Variants in MRPL3 observed in about 807,000 individuals in gnomAD.
MRPL3 encodes the protein large ribosomal subunit protein uL3m.
MRPL3 carries 43 observed loss-of-function variants against 44.3 expected under a neutral mutation model. The observed-to-expected ratio is 0.97, with a 90% confidence interval of 0.76 to 1.25. The LOEUF is 1.25. MRPL3 is among the 50% of genes most tolerant of loss of function. MRPL3 has a pLI of 0.00. For synonymous variants in MRPL3, 171 were observed against 152.3 expected (o/e 1.12, Z -0.91); for missense variants, 406 against 427.6 (o/e 0.95, Z 0.45).
At chr3:131,489,194 A>C (rs1289964299) in intron 5 of MRPL3, among the ~76,000 whole-genome samples, 1 of 152,122 alleles carries the variant, frequency 6.6e-6, no homozygotes, top group Non-Finnish European at 1.5e-5. Flanking sequence ...AACTATTCTA[A>C]TATACAATGG....
intron 4 of MRPL3, among the ~76,000 whole-genome samples, chr3:131,497,558 G>A (rs1353824443): frequency 6.6e-6 from 1 of 152,106 alleles, no homozygotes; most frequent in African/African-American, 2.4e-5. Context: ...ACCATTTTGA[G>A]AAAGGTTTTC....
intron 6 of MRPL3, among the ~76,000 whole-genome samples, chr3:131,477,681 C>T (rs1933886040): frequency 6.6e-6 from 1 of 152,116 alleles, no homozygotes; most frequent in Non-Finnish European, 1.5e-5. Context: ...TCCAGATACC[C>T]TATCATTTCA....
chr3:131,486,521 T>C (rs1934129070), intron 6 of MRPL3, among the ~76,000 whole-genome samples: 1 of 151,684 alleles, frequency 6.6e-6, no homozygotes, highest in South Asian at 2.1e-4. Context: ...TATGTATACA[T>C]GTGCCATGCT....
chr3:131,467,960 T>C, intron 9 of MRPL3, 131 bp downstream of exon 9: 1 of 455,836 alleles, frequency 2.2e-6, no homozygotes, highest in South Asian at 5.8e-5. Context: ...AAGCCACATA[T>C]ATGAGAAAAA....
chr3:131,493,624 G>A (rs1934304605), intron 4 of MRPL3, among the ~76,000 whole-genome samples: 1 of 152,162 alleles, frequency 6.6e-6, no homozygotes, highest in African/African-American at 2.4e-5. Context: ...TATAAAGTTT[G>A]TCTAACTCTT....
intron 6 of MRPL3, among the ~76,000 whole-genome samples, chr3:131,472,830 A>G (rs935760574): frequency 6.6e-6 from 1 of 152,218 alleles, no homozygotes; most frequent in African/African-American, 2.4e-5. Flanking sequence ...TAGCTACGAA[A>G]AAATAAATAC....
At chr3:131,490,224 C>T (rs1225518735) in intron 4 of MRPL3, 144 bp from the exon 5 acceptor site, 8 of 596,090 alleles carry the variant, frequency 1.3e-5, no homozygotes, top group South Asian at 2.1e-5. Context: ...GCACCCAATT[C>T]CCCTTATTTA....
At chr3:131,480,469 T>C (rs1046621633) in intron 6 of MRPL3, among the ~76,000 whole-genome samples, 1 of 152,206 alleles carries the variant, frequency 6.6e-6, no homozygotes, top group Non-Finnish European at 1.5e-5. Flanking sequence ...ATGATTTCTG[T>C]CTAAAAACCA....
chr3:131,464,066 T>TC (rs1158468005), intron 9 of MRPL3, among the ~76,000 whole-genome samples: 1 of 151,786 alleles, frequency 6.6e-6, no homozygotes, highest in Non-Finnish European at 1.5e-5. Flanking sequence ...TTTAGTTTTG[T>TC]CCCCCCAATC....
intron 4 of MRPL3, among the ~76,000 whole-genome samples, chr3:131,496,786 T>G (rs905978510): frequency 5.9e-5 from 9 of 152,206 alleles, no homozygotes; most frequent in Non-Finnish European, 1.2e-4. Context: ...GTTAACTAAT[T>G]TAACAATCTG....
At chr3:131,484,846 C>T (rs1033036795) in intron 6 of MRPL3, among the ~76,000 whole-genome samples, 2 of 152,184 alleles carry the variant, frequency 1.3e-5, no homozygotes, top group Admixed American at 1.3e-4. Context: ...AGCAAAAGGT[C>T]AAATAAAGTC....
intron 6 of MRPL3, among the ~76,000 whole-genome samples, chr3:131,483,006 A>G (rs555653770): frequency 1.7e-4 from 25 of 145,716 alleles, no homozygotes; most frequent in Non-Finnish European, 3.0e-4. Flanking sequence ...TTTTTTTTAC[A>G]AGTTATAATA....
intron 6 of MRPL3, among the ~76,000 whole-genome samples, chr3:131,482,986 CTTTTT>C (rs3033337): frequency 2.8e-5 from 4 of 140,750 alleles, no homozygotes; most frequent in South Asian, 2.2e-4. Flanking sequence ...TTTCATTCTT[CTTTTT>C]TTTTTTTTTT....
chr3:131,467,952 G>T, intron 9 of MRPL3, 139 bp downstream of exon 9: 1 of 442,918 alleles, frequency 2.3e-6, no homozygotes. Context: ...TTATTTATAA[G>T]CCACATATAT....
In MRPL3 at chr3:131,487,716, A is replaced by C; in HGVS notation, c.593T>G (p.Phe198Cys). Residue 198 changes from phenylalanine (F) to cysteine (C), a missense_variant, in exon 6 of 10, where the codon TTT becomes TGT. By Grantham distance (205) the Phe-to-Cys change is radical (BLOSUM62 -2). Transcript: ENST00000264995. ...GACATCCACATACTGTCCTGGACGAAAGTGAGCAGCATAAAGAGGAGTGCC... is the reference window on the plus strand; with the variant it reads ...GACATCCACATACTGTCCTGGACGACAGTGAGCAGCATAAAGAGGAGTGCC... ...KPGTPLYAAH[F>C]RPGQYVDVTA... is the part of the protein sequence containing the mutation. 6.2e-7 allele frequency: 1 copy of C among 1,611,572 alleles called. No homozygotes were observed.
At chr3:131,469,646 G>T in intron 8 of MRPL3, 50 bp downstream of exon 8, 1 of 1,300,530 alleles carries the variant, frequency 7.7e-7, no homozygotes, top group Non-Finnish European at 1.1e-6. Flanking sequence ...TGCTGCCTTT[G>T]CATTTAGACA....
intron 6 of MRPL3, among the ~76,000 whole-genome samples, chr3:131,486,102 T>C (rs949636287): frequency 1.3e-5 from 2 of 152,112 alleles, no homozygotes; most frequent in Non-Finnish European, 2.9e-5. Flanking sequence ...ATTTAATAAA[T>C]GGTGCTGGGA....
chr3:131,484,347 G>A (rs1386926889), intron 6 of MRPL3, among the ~76,000 whole-genome samples: 2 of 152,006 alleles, frequency 1.3e-5, no homozygotes, highest in Non-Finnish European at 2.9e-5. Flanking sequence ...AAGTTCCGTG[G>A]GTGGGGTCCA....
Position 131,486,443 on chromosome 3 carries a change from A to AT in MRPL3, c.629+1236_629+1237insA, listed in dbSNP as rs1179743375. Among the ~76,000 whole-genome samples, 803 of 148,044 alleles carry AT rather than the reference A, an allele frequency of 5.4e-3. 6 individuals are homozygous for AT. Among genetic ancestry groups the AT allele is most frequent in the African/African-American group, 0.019 (735 of 39,464 alleles). ...TAGGCAACCTACAGAATGGGAGAAA[A>AT]ATTTTTTTTTTTTTTTATTATACTC... On this transcript the variant is annotated intron_variant, in intron 6 of 9. Transcript: ENST00000264995.
Sources: gnomAD v4.1 joint callset for allele counts (sites outside exome capture counted in the v4.1 genomes callset) on GRCh38, gnomAD v4.1.1 for gene constraint, MANE v1.5 for transcripts, NCBI Gene and HGNC (gene_info 2026-07-23, HGNC 2026-07-21) for gene names.